The following RCC2 variants were observed in gnomAD, a reference collection of about 807,000 sequenced individuals.
RCC2 encodes the protein protein RCC2.
A neutral mutation model predicts 64.1 loss-of-function variants in RCC2; 19 were observed. That is an observed-to-expected ratio of 0.30 (90% confidence interval 0.21 to 0.44). The LOEUF (loss-of-function observed/expected upper bound fraction) is 0.44, where lower values mean the gene tolerates loss of function less well. Among genes scored for constraint, RCC2 ranks in the 20% least tolerant of loss-of-function variants. RCC2 has a pLI of 1.00. For synonymous variants in RCC2, 325 were observed against 279.6 expected, an observed-to-expected ratio of 1.16 and a Z score of -1.62; for missense variants, 508 against 710.4, an observed-to-expected ratio of 0.72 and a Z score of 3.24.
intron 7 of RCC2, among the ~76,000 whole-genome samples, chr1:17,418,340 A>G (rs1434495716): frequency 6.6e-6 from 1 of 151,176 alleles, no homozygotes; most frequent in African/African-American, 2.4e-5. Context: ...AATCCCTTCC[A>G]GTGGAACATC....
chr1:17,423,406 C>T (rs920321326), intron 4 of RCC2, among the ~76,000 whole-genome samples: 1 of 152,190 alleles, frequency 6.6e-6, no homozygotes, highest in Non-Finnish European at 1.5e-5. Context: ...GGACTCTCAG[C>T]CACAGGAACC....
rs1265674393 is a variant in RCC2 at position 17,431,359 on chromosome 1, A to ATATATATATAT, written c.286-2161_286-2160insATATATATATA. Among the ~76,000 whole-genome samples the ATATATATATAT allele has an allele frequency of 8.9e-4, 40 of 44,926 alleles. 1 individual carries two copies. Among genetic ancestry groups the ATATATATATAT allele is most frequent in the Admixed American group, 2.1e-3 (6 of 2,822 alleles). The allele number at this position is 44,926 out of a possible 152,430, so 29.5% of individuals were successfully genotyped here. On this transcript the variant is annotated intron_variant, in intron 2 of 12. Transcript: ENST00000375436. ...AAAAAAAAAAAAAAAAAAAAAAAAA[A>ATATATATATAT]ATATATATATATATATATATATGTG...
rs1207399398 is a variant in RCC2, at chr1:17,406,826, A to G, written c.*2264T>C. 6.6e-6 allele frequency: 1 copy of G among 152,234 alleles called. No homozygotes were observed. The highest frequency in any genetic ancestry group is 2.4e-5 in the African/African-American group (1 of 41,458). 9.4% of individuals were successfully genotyped at this position (152,234 alleles called of 1,614,324 possible). On this transcript the variant is annotated 3_prime_UTR_variant, in exon 13 of 13. Coordinates refer to ENST00000375436, the MANE Select transcript of RCC2 (RefSeq NM_018715.4). The stretch of plus-strand genomic sequence containing the variant: ...AAGAAATATATATATAAAAAAAATA[A>G]TAAGACAATTACAGCACTAAACCAG...
chr1:17,416,084 G>A (rs1347057378), intron 8 of RCC2, among the ~76,000 whole-genome samples: 1 of 112,810 alleles, frequency 8.9e-6, no homozygotes, highest in Admixed American at 1.0e-4. Flanking sequence ...AAAAAGGGGG[G>A]GGGGGCGGGG....
intron 8 of RCC2, among the ~76,000 whole-genome samples, chr1:17,415,417 A>G (rs2075471793): frequency 6.6e-6 from 1 of 152,218 alleles, no homozygotes; most frequent in Non-Finnish European, 1.5e-5. Flanking sequence ...ATTAAAATTA[A>G]AAGATACACT....
intron 3 of RCC2, among the ~76,000 whole-genome samples, chr1:17,427,468 C>CT: frequency 6.6e-6 from 1 of 152,252 alleles, no homozygotes; most frequent in Non-Finnish European, 1.5e-5. Context: ...TATATTAAAA[C>CT]TTAAGAAAAA....
At chr1:17,429,654 A>G (rs2075653760) in intron 2 of RCC2, among the ~76,000 whole-genome samples, 1 of 151,918 alleles carries the variant, frequency 6.6e-6, no homozygotes, top group African/African-American at 2.4e-5. Context: ...TCTGCTGCCC[A>G]CTCTGCCGAG....
chr1:17,425,229 C>T (rs533043357), intron 4 of RCC2, among the ~76,000 whole-genome samples: 4 of 152,256 alleles, frequency 2.6e-5, no homozygotes, highest in South Asian at 2.1e-4. Flanking sequence ...CTGCCTAACA[C>T]ACTCACACAC....
At chr1:17,422,508 C>A (rs2075566539) in intron 5 of RCC2, among the ~76,000 whole-genome samples, 197 bp downstream of exon 5, 1 of 152,188 alleles carries the variant, frequency 6.6e-6, no homozygotes, top group Admixed American at 6.5e-5. Context: ...TCTCCTACTC[C>A]CAGATGGGCC....
chr1:17,418,920 T>C (rs1238741980), intron 7 of RCC2, among the ~76,000 whole-genome samples: 1 of 152,144 alleles, frequency 6.6e-6, no homozygotes, highest in Admixed American at 6.5e-5. Flanking sequence ...GGAGGCACAT[T>C]TGGTGACTGC....
At chr1:17,410,105 A>C in intron 11 of RCC2, 54 bp from the exon 12 acceptor site, 2 of 1,512,290 alleles carry the variant, frequency 1.3e-6, no homozygotes, top group Non-Finnish European at 1.8e-6. Flanking sequence ...CTCAGTCCAC[A>C]AGTGGGGAAT....
chr1:17,422,630 C>T (rs1380045507), intron 5 of RCC2, 75 bp downstream of exon 5: 1 of 1,575,538 alleles, frequency 6.3e-7, no homozygotes, highest in East Asian at 2.3e-5. Context: ...CTCCACCACC[C>T]CACGCCCCAT....
chr1:17,431,576 C>T (rs1437769089), intron 2 of RCC2, among the ~76,000 whole-genome samples: 1 of 148,028 alleles, frequency 6.8e-6, no homozygotes, highest in Non-Finnish European at 1.5e-5. Flanking sequence ...CTAACCTCTA[C>T]AGTGTGATCA....
chr1:17,429,920 C>T (rs1570201844), intron 2 of RCC2, among the ~76,000 whole-genome samples: 1 of 152,192 alleles, frequency 6.6e-6, no homozygotes, highest in East Asian at 1.9e-4. Context: ...CTCAGTCTCT[C>T]AACACAAAGT....
chr1:17,413,045 C>T (rs765289357), intron 10 of RCC2, 28 bp downstream of exon 10: 3 of 1,536,350 alleles, frequency 2.0e-6, no homozygotes, highest in Non-Finnish European at 1.8e-6. Flanking sequence ...GAAGAGACCT[C>T]ATACCCACAG....
At position 17,431,391 on chromosome 1, in the gene RCC2, G is replaced by A. The variant is rs1361765487; in HGVS notation, c.286-2192C>T. Among the ~76,000 whole-genome samples, 69 of 100,288 alleles carry A rather than the reference G, an allele frequency of 6.9e-4. 1 individual carries two copies. Among genetic ancestry groups the A allele is most frequent in the African/African-American group, 2.4e-3 (66 of 27,176 alleles). The allele number at this position is 100,288 out of a possible 152,430, so 65.8% of individuals were successfully genotyped here. On this transcript the variant is annotated intron_variant, in intron 2 of 12. Coordinates refer to ENST00000375436, the MANE Select transcript of RCC2 (RefSeq NM_018715.4). ...ATATATATATATATATGTGGGCTGG[G>A]TGTGGTGGCTCACGCCTGTCATCTC... is the stretch of plus-strand genomic sequence containing the variant.
chr1:17,414,814 G>A (rs945197334), intron 8 of RCC2, among the ~76,000 whole-genome samples: 3 of 151,936 alleles, frequency 2.0e-5, no homozygotes, highest in African/African-American at 7.3e-5. Flanking sequence ...TGGTTTTTTT[G>A]TAGAGATGGG....
At chr1:17,414,727 G>C (rs1354196332) in intron 8 of RCC2, among the ~76,000 whole-genome samples, 1 of 151,940 alleles carries the variant, frequency 6.6e-6, no homozygotes, top group Non-Finnish European at 1.5e-5. Flanking sequence ...CACCTCCTGG[G>C]CTCAAGCGAT....
chr1:17,415,374 G>C (rs1233249462), intron 8 of RCC2, among the ~76,000 whole-genome samples: 1 of 152,162 alleles, frequency 6.6e-6, no homozygotes, highest in Admixed American at 6.5e-5. Flanking sequence ...GAGACTCCTA[G>C]GCATTCTCAG....
Sources: gnomAD v4.1 joint callset for allele counts (sites outside exome capture counted in the v4.1 genomes callset) on GRCh38, gnomAD v4.1.1 for gene constraint, MANE v1.5 for transcripts, NCBI Gene and HGNC (gene_info 2026-07-23, HGNC 2026-07-21) for gene names.